Variants in CNTNAP2 observed in about 807,000 individuals in gnomAD.
CNTNAP2 encodes the protein contactin-associated protein-like 2.
CNTNAP2 carries 98 observed loss-of-function variants against 155.2 expected under a neutral mutation model. The ratio of observed to expected loss-of-function variants is 0.63; its 90% CI spans 0.54 to 0.75. CNTNAP2 has a LOEUF of 0.75. Ranked by LOEUF, CNTNAP2 falls within the 30% of genes least tolerant of loss-of-function variation. CNTNAP2 has a pLI of 0.00. For synonymous variants in CNTNAP2, 651 were observed against 631.2 expected (o/e 1.03, Z -0.47); for missense variants, 1,727 against 1,688.1 (o/e 1.02, Z -0.40).
At chr7:147,736,799 T>A (rs924487918) in intron 13 of CNTNAP2, among the ~76,000 whole-genome samples, 2 of 152,210 alleles carry the variant, frequency 1.3e-5, no homozygotes, top group Non-Finnish European at 2.9e-5. Flanking sequence ...TACCCTTTCT[T>A]CCAGTTGATT....
chr7:148,131,597 A>G (rs1422214441), intron 16 of CNTNAP2, among the ~76,000 whole-genome samples: 2 of 152,216 alleles, frequency 1.3e-5, no homozygotes, highest in African/African-American at 2.4e-5. Flanking sequence ...AAGATATGCT[A>G]TTATTGCTGG....
intron 12 of CNTNAP2, among the ~76,000 whole-genome samples, chr7:147,638,258 G>A (rs575647580): frequency 1.1e-3 from 162 of 151,998 alleles, no homozygotes; most frequent in Non-Finnish European, 2.0e-3. Context: ...ATTTCCAGCC[G>A]TAGAAGCCAT....
rs544283808 is a variant in CNTNAP2 at position 147,817,562 on chromosome 7, T to TAATTA, written c.2099-85999_2099-85995dup. ...ATCACCGCTGAAGAACTTATTCACG[T>TAATTA]AATTAAATGCCACCTGTACTCCAAT... On this transcript the variant is annotated intron_variant, in intron 13 of 23. Transcript: ENST00000361727. 2.4e-3 allele frequency among the ~76,000 whole-genome samples: 362 copies of TAATTA among 152,226 alleles called. 1 individual carries two copies. The highest frequency in any genetic ancestry group is 8.4e-3 in the African/African-American group (349 of 41,538).
At chr7:147,778,990 CA>C (rs985243823) in intron 13 of CNTNAP2, among the ~76,000 whole-genome samples, 25 of 152,194 alleles carry the variant, frequency 1.6e-4, no homozygotes, top group African/African-American at 5.8e-4. Flanking sequence ...ATAATAAAAA[CA>C]GAAGATATTC....
intron 1 of CNTNAP2, among the ~76,000 whole-genome samples, chr7:146,474,680 A>T (rs997491539): frequency 3.3e-5 from 5 of 152,060 alleles, no homozygotes; most frequent in East Asian, 3.8e-4. Flanking sequence ...ACACATCTTT[A>T]AAAAAAACTA....
intron 21 of CNTNAP2, among the ~76,000 whole-genome samples, chr7:148,317,996 T>G (rs1797721463): frequency 6.6e-6 from 1 of 152,184 alleles, no homozygotes; most frequent in Non-Finnish European, 1.5e-5. Context: ...CTGAGCTCAT[T>G]TCTAAATCCA....
intron 3 of CNTNAP2, among the ~76,000 whole-genome samples, chr7:146,981,921 A>T (rs1484230544): frequency 2.6e-5 from 4 of 152,246 alleles, no homozygotes; most frequent in Non-Finnish European, 4.4e-5. Flanking sequence ...TCTTCGTCAC[A>T]AATATTCAAT....
intron 19 of CNTNAP2, among the ~76,000 whole-genome samples, chr7:148,222,557 T>TCTAAGAATA (rs143336286): frequency 6.6e-6 from 1 of 152,052 alleles, no homozygotes; most frequent in African/African-American, 2.4e-5. Flanking sequence ...AATGGATCAT[T>TCTAAGAATA]CCATGAATCT....
intron 1 of CNTNAP2, among the ~76,000 whole-genome samples, chr7:146,476,183 C>T (rs547652339): frequency 2.8e-4 from 43 of 152,190 alleles, no homozygotes; most frequent in African/African-American, 8.4e-4. Flanking sequence ...TCTCTTTTGC[C>T]TTTAAGTACA....
chr7:147,624,725 T>G (rs1384113004), intron 12 of CNTNAP2, among the ~76,000 whole-genome samples: 1 of 152,110 alleles, frequency 6.6e-6, no homozygotes, highest in African/African-American at 2.4e-5. Context: ...AAAATAGAAC[T>G]ATCATATGAT....
chr7:147,214,730 G>A (rs1803228972), intron 8 of CNTNAP2, among the ~76,000 whole-genome samples: 1 of 152,070 alleles, frequency 6.6e-6, no homozygotes, highest in Admixed American at 6.6e-5. Flanking sequence ...GAGATATCCT[G>A]TATATTTCCT....
At position 147,487,280 on chromosome 7, in the gene CNTNAP2, T is replaced by G. The variant is rs116830910; in HGVS notation, c.1777+1239T>G. ...AGAAAGATGTCAAGAAGGTCAAAAT[T>G]GATACTAGATTCATTATCTGTGTTT... On this transcript the variant is annotated intron_variant, in intron 11 of 23. Coordinates refer to ENST00000361727, the MANE Select transcript of CNTNAP2 (RefSeq NM_014141.6). Among the ~76,000 whole-genome samples the G allele has an allele frequency of 7.6e-3, 1,163 of 152,282 alleles. 19 individuals are homozygous for G. The highest frequency in any genetic ancestry group is 0.026 in the African/African-American group (1,088 of 41,550).
At chr7:146,871,995 A>G (rs1413140392) in intron 3 of CNTNAP2, among the ~76,000 whole-genome samples, 3 of 152,154 alleles carry the variant, frequency 2.0e-5, no homozygotes, top group African/African-American at 7.2e-5. Context: ...CATTCTCATA[A>G]TACACAACAG....
At chr7:146,611,747 G>T (rs932256570) in intron 1 of CNTNAP2, among the ~76,000 whole-genome samples, 1 of 152,080 alleles carries the variant, frequency 6.6e-6, no homozygotes, top group African/African-American at 2.4e-5. Flanking sequence ...ACATATTTTG[G>T]TATAACTTTA....
chr7:147,441,889 C>T (rs1255273048), intron 10 of CNTNAP2, among the ~76,000 whole-genome samples: 1 of 138,692 alleles, frequency 7.2e-6, no homozygotes, highest in Non-Finnish European at 1.6e-5. Flanking sequence ...CCGTCTCTCT[C>T]TGTTCTGAGC....
chr7:148,061,808 G>A (rs953474980), intron 15 of CNTNAP2, among the ~76,000 whole-genome samples: 1 of 129,248 alleles, frequency 7.7e-6, no homozygotes, highest in African/African-American at 2.9e-5. Flanking sequence ...TTTTACATGT[G>A]TGCATGTGTG....
chr7:147,128,656 A>C lies in CNTNAP2; in HGVS notation c.940-37A>C, dbSNP rs201927719. 1.9e-6 allele frequency: 3 copies of C among 1,612,730 alleles called. No individual in the cohort carries two copies. The African/African-American group carries it at 4.0e-5, about 22-fold the overall frequency. On this transcript the variant is annotated intron_variant, in intron 6 of 23. Transcript: ENST00000361727. ...AGTTTTGTCTAGTTCATCATAATAC[A>C]ATGTGGACGTTTACATTTAATTTCT...
intron 10 of CNTNAP2, among the ~76,000 whole-genome samples, chr7:147,449,397 C>G (rs543766698): frequency 1.3e-5 from 2 of 152,030 alleles, no homozygotes; most frequent in South Asian, 2.1e-4. Flanking sequence ...AGGTTATCCC[C>G]GTGGGCAACC....
chr7:146,485,331 A>C (rs1797039600), intron 1 of CNTNAP2, among the ~76,000 whole-genome samples: 1 of 152,174 alleles, frequency 6.6e-6, no homozygotes, highest in Admixed American at 6.5e-5. Flanking sequence ...TGCATTAGTC[A>C]CCTGTGCTAT....
Sources: allele counts gnomAD v4.1 joint callset (sites outside exome capture counted in the v4.1 genomes callset), GRCh38; gene constraint gnomAD v4.1.1; transcripts MANE v1.5; gene names NCBI Gene and HGNC (gene_info 2026-07-23, HGNC 2026-07-21).